MARCHF10: variants seen among roughly 807,000 people sequenced by gnomAD.
MARCHF10 encodes the protein probable E3 ubiquitin-protein ligase MARCHF10.
In MARCHF10, 64 loss-of-function variants were observed where a neutral mutation model predicts 76.2. The observed-to-expected ratio is 0.84, with a 90% confidence interval of 0.69 to 1.03. The LOEUF is 1.03. MARCHF10 is among the 50% of genes least tolerant of loss of function. The probability of loss-of-function intolerance (pLI) is 0.00; values close to 1 mark genes in which losing one functional copy is unlikely to be tolerated. For missense variants in MARCHF10, 875 were observed against 958.0 expected, an observed-to-expected ratio of 0.91 and a Z score of 1.14; for synonymous variants, 340 against 357.5, an observed-to-expected ratio of 0.95 and a Z score of 0.55.
At chr17:62,721,516 G>T (rs2090486858) in intron 8 of MARCHF10, among the ~76,000 whole-genome samples, 1 of 152,076 alleles carries the variant, frequency 6.6e-6, no homozygotes, top group South Asian at 2.1e-4. Context: ...AAAAGTAATT[G>T]TGGATATTGC....
intron 3 of MARCHF10, among the ~76,000 whole-genome samples, chr17:62,772,892 C>T (rs187833471): frequency 1.2e-4 from 18 of 152,256 alleles, no homozygotes; most frequent in African/African-American, 1.9e-4. Flanking sequence ...TTACACCCAT[C>T]GCTTGTTATT....
intron 3 of MARCHF10, among the ~76,000 whole-genome samples, chr17:62,764,322 C>A (rs1014740065): frequency 1.3e-5 from 2 of 152,138 alleles, no homozygotes; most frequent in Non-Finnish European, 2.9e-5. Context: ...TGTCCCTCCC[C>A]GAGAGGTGCT....
At chr17:62,734,577 TACTC>T (rs1160402153) in intron 6 of MARCHF10, among the ~76,000 whole-genome samples, 5 of 152,206 alleles carry the variant, frequency 3.3e-5, no homozygotes, top group African/African-American at 7.2e-5. Context: ...TATCAACAGA[TACTC>T]ACTAAAAATT....
chr17:62,705,683 A>C, intron 9 of MARCHF10, 102 bp from the exon 10 acceptor site: 2 of 1,423,420 alleles, frequency 1.4e-6, no homozygotes, highest in Non-Finnish European at 9.7e-7. Flanking sequence ...AATCCCTTAC[A>C]CCACTTTAAA....
In MARCHF10 at chr17:62,720,093, T is replaced by TA. The variant is rs1447704855; in HGVS notation, c.2214+2394dup. On this transcript the variant is annotated intron_variant, in intron 8 of 10. Coordinates refer to ENST00000311269, the MANE Select transcript of MARCHF10 (RefSeq NM_152598.4). The stretch of plus-strand genomic sequence containing the variant: ...CTTAAGTGCTGTCTACTTTACCTGT[T>TA]AGAGTCCTTAGCATATTAATCATAG... 6.6e-5 allele frequency among the ~76,000 whole-genome samples: 10 copies of TA among 152,362 alleles called. No homozygotes were observed. In the East Asian group the frequency reaches 7.7e-4, roughly 12 times the overall value.
At chr17:62,709,672 C>G (rs778935434) in intron 9 of MARCHF10, among the ~76,000 whole-genome samples, 1 of 152,114 alleles carries the variant, frequency 6.6e-6, no homozygotes, top group Non-Finnish European at 1.5e-5. Context: ...ATGTTTTCTA[C>G]GAGAAATTAC....
At chr17:62,742,085 T>C (rs927415867) in intron 5 of MARCHF10, among the ~76,000 whole-genome samples, 5 of 147,318 alleles carry the variant, frequency 3.4e-5, no homozygotes, top group African/African-American at 1.3e-4. Flanking sequence ...GTAGGCATGA[T>C]CTTGGCTCAC....
At chr17:62,784,716 C>G (rs753336382) in intron 3 of MARCHF10, among the ~76,000 whole-genome samples, 1 of 152,150 alleles carries the variant, frequency 6.6e-6, no homozygotes, top group Non-Finnish European at 1.5e-5. Context: ...CACAAGCATT[C>G]CTATGCACCA....
intron 9 of MARCHF10, among the ~76,000 whole-genome samples, chr17:62,705,978 T>C (rs1407207622): frequency 6.6e-6 from 1 of 152,256 alleles, no homozygotes; most frequent in Non-Finnish European, 1.5e-5. Flanking sequence ...TTGTATTCTC[T>C]GCGCGGCAGG....
rs201286999 is a variant in MARCHF10 at position 62,736,430 on chromosome 17, C to A, written c.1438G>T (p.Ala480Ser). 6.2e-7 allele frequency: 1 copy of A among 1,614,090 alleles called. No individual in the cohort carries two copies. Among genetic ancestry groups the A allele is most frequent in the Non-Finnish European group, 8.5e-7 (1 of 1,179,994 alleles). ...YNPPASFMHSALRDDIPVDLS... is the reference protein window; with the variant it reads ...YNPPASFMHSSLRDDIPVDLS... ...TCTACTGGAATATCATCTCTCAGAG[C>A]AGAATGCATGAATGATGCAGGAGGG... is the stretch of plus-strand genomic sequence containing the variant. Residue 480 changes from alanine to serine, a missense_variant, in exon 6 of 11, where the codon GCT becomes TCT. By Grantham distance (99) the Ala-to-Ser change is moderately conservative (BLOSUM62 1). Transcript: ENST00000311269.
chr17:62,802,204 C>T (rs979748659), intron 1 of MARCHF10, among the ~76,000 whole-genome samples: 5 of 152,116 alleles, frequency 3.3e-5, no homozygotes, highest in African/African-American at 1.2e-4. Flanking sequence ...AAAGCAGACA[C>T]GACCCTCATC....
intron 1 of MARCHF10, among the ~76,000 whole-genome samples, chr17:62,802,890 G>A (rs1344456275): frequency 6.6e-6 from 1 of 152,232 alleles, no homozygotes; most frequent in Non-Finnish European, 1.5e-5. Flanking sequence ...GATTCAAAGA[G>A]TCATGGGAAA....
intron 4 of MARCHF10, among the ~76,000 whole-genome samples, chr17:62,749,774 TC>T (rs1417348077): frequency 7.2e-5 from 11 of 152,360 alleles, no homozygotes; most frequent in African/African-American, 2.6e-4. Context: ...TTGTCCCTCC[TC>T]CGAGTGGTTC....
chr17:62,760,158 T>C lies in MARCHF10; in HGVS notation c.211-152A>G, dbSNP rs1026118714. ...CAACACGCCCGTTCACCAGAGAGAT[T>C]CAGATGGACTGGGCAGAGCAACTTA... is the stretch of plus-strand genomic sequence containing the variant. On this transcript the variant is annotated intron_variant, in intron 3 of 10. Transcript: ENST00000311269. The C allele has an allele frequency of 6.4e-6, 4 of 629,544 alleles. No individual in the cohort carries two copies. The Admixed American group carries it at 1.2e-4, about 18-fold the overall frequency. 39.0% of individuals were successfully genotyped at this position (629,544 alleles called of 1,614,324 possible).
chr17:62,763,791 A>G (rs991084787), intron 3 of MARCHF10, among the ~76,000 whole-genome samples: 4 of 152,242 alleles, frequency 2.6e-5, no homozygotes, highest in Non-Finnish European at 4.4e-5. Flanking sequence ...TGAGAATCTG[A>G]TGAAAGTTCT....
chr17:62,795,019 C>T, intron 2 of MARCHF10: 3 of 985,246 alleles, frequency 3.0e-6, no homozygotes, highest in Non-Finnish European at 3.6e-6. Context: ...GCAACACATA[C>T]CTCAAAGGTG....
chr17:62,804,516 G>A (rs1334662252), intron 1 of MARCHF10, among the ~76,000 whole-genome samples: 1 of 152,188 alleles, frequency 6.6e-6, no homozygotes, highest in Admixed American at 6.5e-5. Context: ...ATGCCCAGAA[G>A]AGAGGGTTTC....
At chr17:62,767,543 C>A (rs921364314) in intron 3 of MARCHF10, among the ~76,000 whole-genome samples, 1 of 151,316 alleles carries the variant, frequency 6.6e-6, no homozygotes, top group Non-Finnish European at 1.5e-5. Flanking sequence ...CTCCACCTCC[C>A]AGGTTCAAGT....
intron 3 of MARCHF10, among the ~76,000 whole-genome samples, chr17:62,784,143 G>A (rs919371115): frequency 9.6e-4 from 146 of 152,238 alleles, no homozygotes; most frequent in African/African-American, 3.3e-3. Flanking sequence ...CTGGCAAAGC[G>A]AATCCAGTAG....
Sources: gnomAD v4.1 joint callset for allele counts (sites outside exome capture counted in the v4.1 genomes callset) on GRCh38, gnomAD v4.1.1 for gene constraint, MANE v1.5 for transcripts, NCBI Gene and HGNC (gene_info 2026-07-23, HGNC 2026-07-21) for gene names.